The following ANK2 variants were observed in gnomAD, a reference collection of about 807,000 sequenced individuals.
ANK2 encodes ankyrin 2.
ANK2 carries 83 observed loss-of-function variants against 360.5 expected under a neutral mutation model. The ratio of observed to expected loss-of-function variants is 0.23; its 90% confidence interval spans 0.19 to 0.28. The LOEUF is 0.28. Ranked by LOEUF, ANK2 falls within the 10% of genes least tolerant of loss-of-function variation. The pLI, the probability that ANK2 is intolerant of heterozygous loss-of-function variation, is 1.00. For synonymous variants in ANK2, 1,740 were observed against 1,759.5 expected (o/e 0.99, Z 0.28); for missense variants, 4,201 against 4,795.7 (o/e 0.88, Z 3.66).
chr4:112,804,380 T>C, the ANK2 span, among the ~76,000 whole-genome samples: 2 of 152,186 alleles, frequency 1.3e-5, no homozygotes, highest in African/African-American at 4.8e-5. Flanking sequence ...GGTATAGTTG[T>C]TTGATTTTCT....
At chr4:113,025,441 C>T (rs1459207065) in intron 2 of ANK2, among the ~76,000 whole-genome samples, 3 of 152,162 alleles carry the variant, frequency 2.0e-5, no homozygotes, top group Non-Finnish European at 2.9e-5. Context: ...GGCCCATCTC[C>T]ACTAGTATTC....
chr4:113,229,322 G>A (rs1342600078), intron 4 of ANK2, among the ~76,000 whole-genome samples: 1 of 152,118 alleles, frequency 6.6e-6, no homozygotes, highest in Non-Finnish European at 1.5e-5. Context: ...TGCATTCTTG[G>A]ATCACGGCCC....
At chr4:112,910,812 A>T (rs184569766) in intron 2 of ANK2, among the ~76,000 whole-genome samples, 3,191 of 152,290 alleles carry the variant, frequency 0.021, 46 homozygotes, top group Non-Finnish European at 0.033. Context: ...GGCAATGTTT[A>T]AAAAAATGTT....
the ANK2 span, among the ~76,000 whole-genome samples, chr4:112,759,187 G>C: frequency 6.6e-6 from 1 of 152,042 alleles, no homozygotes. Context: ...CCAGTTTAGA[G>C]TGCAGGGGCG....
intron 13 of ANK2, among the ~76,000 whole-genome samples, chr4:113,263,732 T>A (rs2054346724): frequency 6.6e-6 from 1 of 152,258 alleles, no homozygotes; most frequent in Admixed American, 6.5e-5. Flanking sequence ...TTGGTTGAAA[T>A]CATCCTTATC....
intron 2 of ANK2, among the ~76,000 whole-genome samples, chr4:112,919,823 A>C (rs774071526): frequency 1.8e-4 from 27 of 152,144 alleles, no homozygotes; most frequent in Non-Finnish European, 2.1e-4. Context: ...CATTAATGAA[A>C]ATGGAACATC....
intron 2 of ANK2, among the ~76,000 whole-genome samples, chr4:112,933,652 C>G (rs1561163937): frequency 6.6e-6 from 1 of 152,104 alleles, no homozygotes; most frequent in Non-Finnish European, 1.5e-5. Context: ...AGGCATGCTC[C>G]ACCAAGCCCG....
chr4:112,862,437 A>G (rs1429317419), intron 1 of ANK2, among the ~76,000 whole-genome samples: 1 of 152,198 alleles, frequency 6.6e-6, no homozygotes, highest in Non-Finnish European at 1.5e-5. Flanking sequence ...CATTATTTCT[A>G]GAGTGTTCCT....
Position 112,827,042 on chromosome 4 carries a change from A to G in ANK2, c.-40+8778A>G, listed in dbSNP as rs910147269. 18 of 1,341,064 alleles carry G rather than the reference A, an allele frequency of 1.3e-5. No individual in the cohort carries two copies. In the Admixed American group the frequency reaches 3.0e-4, roughly 23 times the overall value. The allele number at this position is 1,341,064 out of a possible 1,614,324, so 83.1% of individuals were successfully genotyped here. On this transcript the variant is annotated intron_variant, in intron 1 of 30. Coordinates refer to the ANK2 transcript ENST00000503271. ...ACATTGGTAAAAAGCATGACATTACAGAACTTAACTGTTGCTGTGAACTTG... is the reference window on the plus strand; with the variant it reads ...ACATTGGTAAAAAGCATGACATTACGGAACTTAACTGTTGCTGTGAACTTG...
the ANK2 span, among the ~76,000 whole-genome samples, chr4:112,755,124 GC>G: frequency 6.6e-6 from 1 of 152,046 alleles, no homozygotes; most frequent in Admixed American, 6.6e-5. Context: ...CCTCAATCCT[GC>G]CCCCCTCCAA....
the ANK2 span, among the ~76,000 whole-genome samples, chr4:112,725,357 CTTT>C: frequency 2.7e-5 from 2 of 73,592 alleles, no homozygotes; most frequent in African/African-American, 5.0e-5. Flanking sequence ...AAGACACAGT[CTTT>C]TTTTTTTTTT....
intron 2 of ANK2, among the ~76,000 whole-genome samples, chr4:113,009,680 A>G (rs914167718): frequency 6.6e-6 from 1 of 151,996 alleles, no homozygotes; most frequent in Admixed American, 6.6e-5. Flanking sequence ...GTGTTGGACC[A>G]CTCCTGATGA....
intron 1 of ANK2, among the ~76,000 whole-genome samples, chr4:113,077,251 A>G (rs1468992119): frequency 6.6e-6 from 1 of 152,174 alleles, no homozygotes; most frequent in Non-Finnish European, 1.5e-5. Flanking sequence ...GAGAAGAAAT[A>G]AGATTTAAAA....
At chr4:112,782,997 C>T in the ANK2 span, among the ~76,000 whole-genome samples, 20,249 of 152,118 alleles carry the variant, frequency 0.13, 2,126 homozygotes, top group East Asian at 0.5. Flanking sequence ...ACAACCTCCA[C>T]CTCCCAAGTT....
At chr4:113,023,098 C>A (rs1423261626) in intron 2 of ANK2, among the ~76,000 whole-genome samples, 3 of 152,058 alleles carry the variant, frequency 2.0e-5, no homozygotes, top group Admixed American at 6.6e-5. Flanking sequence ...AACAAACCTA[C>A]ACGTCCTGCA....
upstream of ANK2, among the ~76,000 whole-genome samples, chr4:112,816,881 C>T (rs1256341239): frequency 6.6e-6 from 1 of 152,104 alleles, no homozygotes; most frequent in African/African-American, 2.4e-5. Context: ...TGTGGTGGCA[C>T]ATGCCTGTAA....
chr4:113,134,448 A>G (rs982362409), intron 1 of ANK2, among the ~76,000 whole-genome samples: 3 of 151,946 alleles, frequency 2.0e-5, no homozygotes, highest in African/African-American at 7.3e-5. Context: ...TCTGCTGAAC[A>G]ATGAGGCCAA....
At chr4:113,362,282 G>A (rs1452847842) in intron 39 of ANK2, among the ~76,000 whole-genome samples, 1 of 152,062 alleles carries the variant, frequency 6.6e-6, no homozygotes, top group Non-Finnish European at 1.5e-5. Context: ...CATATTCTTA[G>A]AAGTAGAATT....
the ANK2 span, among the ~76,000 whole-genome samples, chr4:112,765,659 C>CTTTT: frequency 7.4e-6 from 1 of 134,306 alleles, no homozygotes; most frequent in African/African-American, 2.7e-5. Context: ...CCCTCCCCCG[C>CTTTT]TTTTTTTTTT....
Sources: gnomAD v4.1 joint callset for allele counts (sites outside exome capture counted in the v4.1 genomes callset) on GRCh38, gnomAD v4.1.1 for gene constraint, MANE v1.5 for transcripts, NCBI Gene and HGNC (gene_info 2026-07-23, HGNC 2026-07-21) for gene names.